Variants in RBM28 observed in about 807,000 individuals in gnomAD.
The protein encoded by RBM28 is RNA binding motif protein 28.
A neutral mutation model predicts 98.3 loss-of-function variants in RBM28; 78 were observed. The ratio of observed to expected loss-of-function variants is 0.79; its 90% CI spans 0.66 to 0.96. RBM28 has a LOEUF of 0.96. Among genes scored for constraint, RBM28 ranks in the 40% least tolerant of loss-of-function variants. The pLI is 0.00. For synonymous variants in RBM28, 306 were observed against 330.9 expected, an observed-to-expected ratio of 0.92 and a Z score of 0.82; for missense variants, 838 against 913.0, an observed-to-expected ratio of 0.92 and a Z score of 1.06.
In RBM28 at chr7:128,333,312, C is replaced by T; in HGVS notation, c.997G>A (p.Glu333Lys). 6.2e-7 allele frequency: 1 copy of T among 1,605,256 alleles called. No individual in the cohort carries two copies. Among genetic ancestry groups the T allele is most frequent in the Non-Finnish European group, 8.5e-7 (1 of 1,171,926 alleles). The change falls in exon 9 of 19, where the codon GAA becomes AAA. Residue 333 changes from glutamate to lysine, a missense_variant. Transcript: ENST00000223073. The part of the protein sequence containing the change: ...KKRKLPSDVN[E>K]GKTVFIRNLS... The stretch of plus-strand genomic sequence containing the variant: ...TACCTGATAAAAACAGTTTTCCCTT[C>T]ATTCACATCAGAGGGTAATTTCCTC...
chr7:128,310,475 A>C lies in RBM28; in HGVS notation c.*322T>G. The C allele has an allele frequency of 2.7e-6, 1 of 366,774 alleles. No individual in the cohort carries two copies. Among genetic ancestry groups the C allele is most frequent in the Non-Finnish European group, 5.0e-6 (1 of 198,560 alleles). 22.7% of individuals were successfully genotyped at this position (366,774 alleles called of 1,614,324 possible). ...ATACATCTTAAAAATTCAGCACTCC[A>C]GAATGCTTTTTCAGGTGTTTCCATT... On this transcript the variant is annotated 3_prime_UTR_variant, in exon 19 of 19. Transcript: ENST00000223073.
At chr7:128,327,613 G>A (rs1225629541) in intron 10 of RBM28, among the ~76,000 whole-genome samples, 1 of 151,552 alleles carries the variant, frequency 6.6e-6, no homozygotes, top group Non-Finnish European at 1.5e-5. Flanking sequence ...TGACTCTTCT[G>A]CCTCAGCCTC....
rs988522688 is a variant in RBM28 at position 128,300,301 on chromosome 7, T to C, written c.*10496A>G. Reference sequence around the variant, plus strand: ...GCTCTGTTCTGGGTTCTACCTGACCTGGACTCTGAGGGCTCTGAGCAGGGA... The same window carrying C: ...GCTCTGTTCTGGGTTCTACCTGACCCGGACTCTGAGGGCTCTGAGCAGGGA... On this transcript the variant is annotated 3_prime_UTR_variant, in exon 19 of 19. Transcript: ENST00000223073. 3 of 152,220 alleles carry C rather than the reference T, an allele frequency of 2.0e-5. No individual in the cohort carries two copies. The highest frequency in any genetic ancestry group is 2.1e-4 in the South Asian group (1 of 4,838). The allele number at this position is 152,220 out of a possible 1,614,324, so 9.4% of individuals were successfully genotyped here.
chr7:128,336,165 C>T (rs1270269005), intron 6 of RBM28, 123 bp from the exon 7 acceptor site: 2 of 929,486 alleles, frequency 2.2e-6, no homozygotes, highest in Non-Finnish European at 3.2e-6. Context: ...GTATATTTTT[C>T]TTACTGCATA....
intron 18 of RBM28, among the ~76,000 whole-genome samples, chr7:128,311,539 T>C (rs1285719544): frequency 1.1e-4 from 17 of 152,156 alleles, no homozygotes. Flanking sequence ...GAGCTGAGCC[T>C]GGGACATCCT....
Position 128,299,436 on chromosome 7 carries a change from C to T in RBM28, c.*11361G>A, listed in dbSNP as rs1244605591. The T allele has an allele frequency of 2.0e-5, 3 of 152,074 alleles. No homozygotes were observed. The highest frequency in any genetic ancestry group is 2.9e-5 in the Non-Finnish European group (2 of 68,054). The allele number at this position is 152,074 out of a possible 1,614,324, so 9.4% of individuals were successfully genotyped here. A position where few individuals can be genotyped will look rare whatever the true frequency, so the allele number is the denominator to read the frequency against. On this transcript the variant is annotated 3_prime_UTR_variant, in exon 19 of 19. Transcript: ENST00000223073. ...GGCTCTGGATTGACTGGTTTGCATACGAAAGGCACGCTCGACCAAGTTGTT... is the reference window on the plus strand; with the variant it reads ...GGCTCTGGATTGACTGGTTTGCATATGAAAGGCACGCTCGACCAAGTTGTT...
chr7:128,343,901 C>G lies in RBM28; in HGVS notation c.-108G>C. On this transcript the variant is annotated 5_prime_UTR_variant, in exon 1 of 19. Transcript: ENST00000223073. ...AACCAAGCTCACACGCCGAGAGATT[C>G]CGGAAGTGCTCGTTGCCCAAAAGAG... 1 of 695,900 alleles carries G rather than the reference C, an allele frequency of 1.4e-6. No homozygotes were observed. The highest frequency in any genetic ancestry group is 2.3e-6 in the Non-Finnish European group (1 of 432,462). 43.1% of individuals were successfully genotyped at this position (695,900 alleles called of 1,614,324 possible). A position where few individuals can be genotyped will look rare whatever the true frequency, so the allele number is the denominator to read the frequency against.
intron 6 of RBM28, 119 bp downstream of exon 6, chr7:128,337,012 G>A (rs1796615187): frequency 4.6e-6 from 5 of 1,090,282 alleles, no homozygotes; most frequent in Non-Finnish European, 7.0e-6. Context: ...TGGAATTACA[G>A]GCAAGAGCCA....
chr7:128,332,627 C>CAG (rs1467772034), intron 9 of RBM28, among the ~76,000 whole-genome samples: 2 of 152,176 alleles, frequency 1.3e-5, no homozygotes, highest in Non-Finnish European at 2.9e-5. Context: ...GCTGAGATTA[C>CAG]AGGCCTGAGC....
At chr7:128,327,097 A>G (rs1379744852) in intron 10 of RBM28, among the ~76,000 whole-genome samples, 1 of 152,136 alleles carries the variant, frequency 6.6e-6, no homozygotes. Flanking sequence ...TGATCACTGC[A>G]CTACAGCCAG....
In RBM28 at chr7:128,321,402, T is replaced by C; in HGVS notation, c.1427A>G (p.Lys476Arg). ...RERFELLKHQKLKDQNIFVSR... is the reference protein window; with the variant it reads ...RERFELLKHQRLKDQNIFVSR... ...GACAAAGATATTCTGGTCCTTGAGT[T>C]TCTGATGCTTCAGCAGCTCAAACTG... Residue 476 changes from lysine to arginine, a missense_variant, in exon 14 of 19, where the codon AAA (lysine) becomes AGA (arginine). Physicochemically the swap from Lys to Arg is conservative, Grantham distance 26. Transcript: ENST00000223073. 1 of 1,614,198 alleles carries C rather than the reference T, an allele frequency of 6.2e-7. No individual in the cohort carries two copies.
At chr7:128,321,202 G>A in intron 14 of RBM28, 64 bp downstream of exon 14, 1 of 1,600,056 alleles carries the variant, frequency 6.2e-7, no homozygotes, top group Non-Finnish European at 8.6e-7. Flanking sequence ...ACAGCCTGAG[G>A]GAAATGCTTG....
chr7:128,326,496 T>C (rs1005037556), intron 10 of RBM28, among the ~76,000 whole-genome samples: 5 of 152,188 alleles, frequency 3.3e-5, no homozygotes, highest in African/African-American at 1.2e-4. Flanking sequence ...ACACATATAC[T>C]TACCATTATG....
At chr7:128,316,094 G>A (rs1003580946) in intron 16 of RBM28, among the ~76,000 whole-genome samples, 9 of 87,724 alleles carry the variant, frequency 1.0e-4, no homozygotes, top group Non-Finnish European at 1.4e-4. Flanking sequence ...TAGGTACAAC[G>A]ATACAATGAA....
chr7:128,315,010 C>G lies in RBM28; in HGVS notation c.1799G>C (p.Arg600Thr). The G allele has an allele frequency of 6.2e-7, 1 of 1,614,206 alleles. No individual in the cohort carries two copies. The highest frequency in any genetic ancestry group is 2.2e-5 in the East Asian group (1 of 44,890). ...LRIQRSLQKM[R>T]SKPATGEPQK... ...AGGCTCACCAGTTGCAGGCTTGGAT[C>G]TCATTTTTTGCTGCATAAAACAAGA... is the stretch of plus-strand genomic sequence containing the variant. Residue 600 changes from arginine (R) to threonine (T), a missense_variant, in exon 17 of 19, where the codon AGA becomes ACA. Physicochemically the swap from Arg to Thr is moderately conservative, Grantham distance 71 (BLOSUM62 -1). Coordinates refer to ENST00000223073, the MANE Select transcript of RBM28 (RefSeq NM_018077.3).
chr7:128,342,186 T>A (rs764997848), intron 1 of RBM28, among the ~76,000 whole-genome samples: 1 of 151,954 alleles, frequency 6.6e-6, no homozygotes, highest in Non-Finnish European at 1.5e-5. Context: ...CAAAACAAAC[T>A]CTAGTCATGA....
intron 1 of RBM28, among the ~76,000 whole-genome samples, chr7:128,341,978 G>A (rs919074535): frequency 1.2e-4 from 19 of 152,136 alleles, no homozygotes; most frequent in African/African-American, 4.3e-4. Context: ...ACAACGTAGT[G>A]AGACCCTGTC....
chr7:128,321,814 A>C (rs1180698463), intron 13 of RBM28, among the ~76,000 whole-genome samples: 1 of 152,184 alleles, frequency 6.6e-6, no homozygotes, highest in Non-Finnish European at 1.5e-5. Flanking sequence ...TTGGGAGGCC[A>C]GGGCAGGCAG....
At chr7:128,340,428 T>A (rs188645065) in intron 1 of RBM28, among the ~76,000 whole-genome samples, 12 of 152,308 alleles carry the variant, frequency 7.9e-5, no homozygotes, top group African/African-American at 2.2e-4. Flanking sequence ...CACCCTGCAC[T>A]GTCTGGGCAT....
Sources: allele counts gnomAD v4.1 joint callset (sites outside exome capture counted in the v4.1 genomes callset), GRCh38; gene constraint gnomAD v4.1.1; transcripts MANE v1.5; gene names NCBI Gene and HGNC (gene_info 2026-07-23, HGNC 2026-07-21).